MSS51: variants seen among roughly 807,000 people sequenced by gnomAD.
The protein encoded by MSS51 is putative protein MSS51 homolog, mitochondrial.
In MSS51, 32 loss-of-function variants were observed where a neutral mutation model predicts 40.2. The observed-to-expected ratio is 0.80, with a 90% CI of 0.60 to 1.07. The LOEUF (loss-of-function observed/expected upper bound fraction) is 1.07. MSS51 is among the 50% of genes least tolerant of loss of function. MSS51 has a pLI of 0.00. For synonymous variants in MSS51, 178 were observed against 214.2 expected (o/e 0.83, Z 1.48); for missense variants, 518 against 568.9 (o/e 0.91, Z 0.91).
Position 73,425,462 on chromosome 10 carries a change from CAGG to C in MSS51, c.1070-274_1070-272del, listed in dbSNP as rs2055975689. 2.0e-5 allele frequency among the ~76,000 whole-genome samples: 3 copies of C among 151,736 alleles called. No individual in the cohort carries two copies. The South Asian group carries it at 6.2e-4, about 32-fold the overall frequency. On this transcript the variant is annotated intron_variant, in intron 5 of 6. Coordinates refer to ENST00000299432, the MANE Select transcript of MSS51 (RefSeq NM_001024593.2). ...GGCAGAGGCGGGCGGATCATAAGGT[CAGG>C]AGATCGAGATCATCGTGGCTAACAC...
At position 73,426,721 on chromosome 10, in the gene MSS51, C is replaced by T. The variant is rs1450336585; in HGVS notation, c.388G>A (p.Val130Ile). ...VLRHCKRCRN[V>I]YYCGPECQKS... is the part of the protein sequence containing the mutation. ...TGGCACTCTGGACCACAGTAATAGA[C>T]ATTTCTGCACCTGAGAGAATGAGAG... Residue 130 changes from valine to isoleucine, a missense_variant, in exon 4 of 7, where the codon GTC becomes ATC. By Grantham distance (29) the Val-to-Ile change is conservative. Transcript: ENST00000299432. 3.1e-6 allele frequency: 5 copies of T among 1,613,856 alleles called. No homozygotes were observed. In the African/African-American group the frequency reaches 5.3e-5, roughly 17 times the overall value.
At chr10:73,427,241 C>T (rs2055995768) in intron 3 of MSS51, among the ~76,000 whole-genome samples, 2 of 135,460 alleles carry the variant, frequency 1.5e-5, no homozygotes, top group South Asian at 4.8e-4. Context: ...GATCTTTCCT[C>T]TTGGAATGAG....
rs561669471 is a variant in MSS51 at position 73,425,440 on chromosome 10, A to C, written c.1070-249T>G. Among the ~76,000 whole-genome samples the C allele has an allele frequency of 1.7e-4, 26 of 152,032 alleles. No homozygotes were observed. The East Asian group carries it at 4.5e-3, about 26-fold the overall frequency. ...CTGTAATCCCAGCACTTTGGGAGGC[A>C]GAGGCGGGCGGATCATAAGGTCAGG... On this transcript the variant is annotated intron_variant, in intron 5 of 6. Coordinates refer to ENST00000299432, the MANE Select transcript of MSS51 (RefSeq NM_001024593.2).
intron 5 of MSS51, among the ~76,000 whole-genome samples, chr10:73,425,590 AGGTGGAGC>A (rs2055977034): frequency 1.4e-5 from 2 of 140,458 alleles, no homozygotes; most frequent in African/African-American, 5.4e-5. Context: ...TGAACCCGGG[AGGTGGAGC>A]TTGCAGTGAG....
intron 1 of MSS51, 32 bp from the exon 2 acceptor site, chr10:73,428,333 G>A: frequency 3.3e-6 from 5 of 1,495,344 alleles, no homozygotes; most frequent in Non-Finnish European, 4.5e-6. Context: ...GACATGGAAT[G>A]GAATTTTACA....
Position 73,426,596 on chromosome 10 carries a change from C to T in MSS51, c.502+11G>A. ...CCATTATGGCAGAGATCCTCAACAC[C>T]ACCACTCCACCTGTGACCAGAAGCC... On this transcript the variant is annotated intron_variant, in intron 4 of 6. Coordinates refer to ENST00000299432, the MANE Select transcript of MSS51 (RefSeq NM_001024593.2). The T allele has an allele frequency of 1.2e-6, 2 of 1,613,978 alleles. No homozygotes were observed. Among genetic ancestry groups the T allele is most frequent in the East Asian group, 2.2e-5 (1 of 44,888 alleles).
Position 73,425,668 on chromosome 10 carries a change from A to T in MSS51, c.1069+143T>A, listed in dbSNP as rs556750734. Reference sequence around the variant, plus strand: ...CAGAGCGAGACTCCGTCTCAAAAAAAAAAAAAGAAAAAAAAAAAAAGAAAA... The same window carrying T: ...CAGAGCGAGACTCCGTCTCAAAAAATAAAAAAGAAAAAAAAAAAAAGAAAA... On this transcript the variant is annotated intron_variant, in intron 5 of 6. Transcript: ENST00000299432. The T allele has an allele frequency of 6.6e-4, 522 of 796,068 alleles. 1 individual carries two copies. Among genetic ancestry groups the T allele is most frequent in the Non-Finnish European group, 8.7e-4 (461 of 528,846 alleles). 49.3% of individuals were successfully genotyped at this position (796,068 alleles called of 1,614,324 possible). A position where few individuals can be genotyped will look rare whatever the true frequency, so the allele number is the denominator to read the frequency against.
intron 1 of MSS51, among the ~76,000 whole-genome samples, chr10:73,428,568 C>T (rs2056006752): frequency 1.3e-5 from 2 of 152,064 alleles, no homozygotes; most frequent in African/African-American, 4.8e-5. Flanking sequence ...TCTCAGCTCA[C>T]TCCACCTCCT....
At position 73,427,748 on chromosome 10, in the gene MSS51, G is replaced by A. The variant is rs1216393056; in HGVS notation, c.242C>T (p.Thr81Ile). ...TCGAAATCCAAAGCCTGATACGGGGGTACCCCCATCTACCACCAACCTGCA... is the reference window on the plus strand; with the variant it reads ...TCGAAATCCAAAGCCTGATACGGGGATACCCCCATCTACCACCAACCTGCA... ...EEYKLVVDGG[T>I]PVSGFGFRCP... The change falls in exon 3 of 7, where the codon ACC (threonine) becomes ATC (isoleucine). Residue 81 changes from threonine (T) to isoleucine (I), a missense_variant. Thr to Ile is a moderately conservative substitution (Grantham distance 89). Coordinates refer to ENST00000299432, the MANE Select transcript of MSS51 (RefSeq NM_001024593.2). 3 of 1,614,106 alleles carry A rather than the reference G, an allele frequency of 1.9e-6. No individual in the cohort carries two copies. Among genetic ancestry groups the A allele is most frequent in the Non-Finnish European group, 2.5e-6 (3 of 1,180,020 alleles).
At chr10:73,432,102 G>A (rs112074829) in intron 1 of MSS51, among the ~76,000 whole-genome samples, 3,176 of 152,208 alleles carry the variant, frequency 0.021, 40 homozygotes, top group Non-Finnish European at 0.033. Flanking sequence ...GCAGTGGTGC[G>A]ATCTTGGCTC....
At position 73,427,635 on chromosome 10, in the gene MSS51, T is replaced by G; in HGVS notation, c.355A>C (p.Lys119Gln). 1 of 1,613,070 alleles carries G rather than the reference T, an allele frequency of 6.2e-7. No homozygotes were observed. Among genetic ancestry groups the G allele is most frequent in the Non-Finnish European group, 8.5e-7 (1 of 1,179,204 alleles). The change falls in exon 3 of 7, where the codon AAG (lysine) becomes CAG (glutamine). Residue 119 changes from lysine (K) to glutamine (Q), a missense_variant. Physicochemically the swap from Lys to Gln is moderately conservative, Grantham distance 53. Coordinates refer to ENST00000299432, the MANE Select transcript of MSS51 (RefSeq NM_001024593.2). ...CACCTCTTACAGTGCCGGAGAACCTTGGAGTCTGAAAGCCCACTAGGGAGT... is the reference window on the plus strand; with the variant it reads ...CACCTCTTACAGTGCCGGAGAACCTGGGAGTCTGAAAGCCCACTAGGGAGT... ...RALPSGLSDS[K>Q]VLRHCKRCRN...
chr10:73,426,553 A>G (rs760586531), intron 4 of MSS51, 54 bp downstream of exon 4: 188 of 1,609,882 alleles, frequency 1.2e-4, no homozygotes, highest in Non-Finnish European at 1.5e-4. Context: ...ATCTTCCTTT[A>G]AATGCAATCA....
At position 73,424,539 on chromosome 10, in the gene MSS51, C is replaced by T; in HGVS notation, c.*14G>A. Reference sequence around the variant, plus strand: ...ACAAACTCCCCGTTTTCCAGATGTCCAGTTATGATCTATTTAAATCCCGCC... The same window carrying T: ...ACAAACTCCCCGTTTTCCAGATGTCTAGTTATGATCTATTTAAATCCCGCC... On this transcript the variant is annotated 3_prime_UTR_variant, in exon 7 of 7. Transcript: ENST00000299432. The T allele has an allele frequency of 1.3e-6, 2 of 1,592,736 alleles. No individual in the cohort carries two copies. Among genetic ancestry groups the T allele is most frequent in the South Asian group, 1.1e-5 (1 of 90,600 alleles).
At chr10:73,430,233 A>ACAC (rs1167648969) in intron 1 of MSS51, among the ~76,000 whole-genome samples, 3 of 152,204 alleles carry the variant, frequency 2.0e-5, no homozygotes, top group African/African-American at 4.8e-5. Context: ...AGCACAGGCA[A>ACAC]CACCACCACC....
intron 4 of MSS51, 27 bp from the exon 5 acceptor site, chr10:73,426,404 A>T: frequency 6.3e-7 from 1 of 1,592,352 alleles, no homozygotes; most frequent in East Asian, 2.2e-5. Flanking sequence ...ATAAGAAGTA[A>T]CCTAATGCTT....
rs952871541 is a variant in MSS51 at position 73,433,522 on chromosome 10, T to C, written c.-27A>G. 1.3e-5 allele frequency: 2 copies of C among 152,200 alleles called. No homozygotes were observed. Among genetic ancestry groups the C allele is most frequent in the Non-Finnish European group, 2.9e-5 (2 of 68,064 alleles). The allele number at this position is 152,200 out of a possible 1,614,324, so 9.4% of individuals were successfully genotyped here. ...GGAAAAAAAAACTTACCCTGCTAAGTCCTCAGCTTCCTTCCTTCTCTCTTT... is the reference window on the plus strand; with the variant it reads ...GGAAAAAAAAACTTACCCTGCTAAGCCCTCAGCTTCCTTCCTTCTCTCTTT... On this transcript the variant is annotated 5_prime_UTR_variant, in exon 1 of 7. Transcript: ENST00000299432.
Position 73,428,309 on chromosome 10 carries a change from T to C in MSS51, c.-17-8A>G, listed in dbSNP as rs1431566265. 1 of 1,571,604 alleles carries C rather than the reference T, an allele frequency of 6.4e-7. No homozygotes were observed. Among genetic ancestry groups the C allele is most frequent in the South Asian group, 1.2e-5 (1 of 86,602 alleles). On this transcript the variant is annotated splice_region_variant and splice_polypyrimidine_tract_variant and intron_variant, in intron 1 of 6. Coordinates refer to ENST00000299432, the MANE Select transcript of MSS51 (RefSeq NM_001024593.2). ...TGGCCTGTCCAGTGATACCTGGAGATTATATGCAGAATAGACATGGAATGG... is the reference window on the plus strand; with the variant it reads ...TGGCCTGTCCAGTGATACCTGGAGACTATATGCAGAATAGACATGGAATGG...
At chr10:73,430,200 A>AACCT (rs1177099610) in intron 1 of MSS51, among the ~76,000 whole-genome samples, 4 of 152,178 alleles carry the variant, frequency 2.6e-5, no homozygotes, top group Non-Finnish European at 5.9e-5. Flanking sequence ...GTTTGGCAAT[A>AACCT]ATTTCTAGGA....
chr10:73,432,630 G>A (rs2056036633), intron 1 of MSS51, among the ~76,000 whole-genome samples: 1 of 152,192 alleles, frequency 6.6e-6, no homozygotes, highest in South Asian at 2.1e-4. Context: ...GGATCACACA[G>A]TTTGAGGAAG....
Sources: gnomAD v4.1 joint callset for allele counts (sites outside exome capture counted in the v4.1 genomes callset) on GRCh38, gnomAD v4.1.1 for gene constraint, MANE v1.5 for transcripts, NCBI Gene and HGNC (gene_info 2026-07-23, HGNC 2026-07-21) for gene names.